Variants in SLC36A1 observed in about 807,000 individuals in gnomAD.
The protein encoded by SLC36A1 is proton-coupled amino acid transporter 1.
A neutral mutation model predicts 47.5 loss-of-function variants in SLC36A1; 30 were observed. The observed-to-expected ratio is 0.63, with a 90% CI of 0.47 to 0.86. The LOEUF is 0.86. Ranked by LOEUF, SLC36A1 falls within the 40% of genes least tolerant of loss-of-function variation. The pLI, the probability that SLC36A1 is intolerant of heterozygous loss-of-function variation, is 0.00. For missense variants in SLC36A1, 517 were observed against 606.0 expected (o/e 0.85, Z 1.54); for synonymous variants, 255 against 249.7 (o/e 1.02, Z -0.20).
At chr5:151,369,761 C>A in the SLC36A1 span, among the ~76,000 whole-genome samples, 2 of 152,218 alleles carry the variant, frequency 1.3e-5, no homozygotes, top group Admixed American at 6.5e-5. Context: ...GGATTACAGG[C>A]ATAAGCCACT....
At chr5:151,420,369 G>A in the SLC36A1 span, among the ~76,000 whole-genome samples, 11 of 152,124 alleles carry the variant, frequency 7.2e-5, no homozygotes, top group Non-Finnish European at 7.4e-5. Context: ...GCACTTTTCC[G>A]AAGCCACACA....
chr5:151,543,856 T>C, the SLC36A1 span: 3 of 1,614,162 alleles, frequency 1.9e-6, no homozygotes, highest in Non-Finnish European at 2.5e-6. Flanking sequence ...GAAGTGCCTG[T>C]CCTGATTGCC....
the SLC36A1 span, among the ~76,000 whole-genome samples, chr5:151,376,805 G>T: frequency 1.3e-5 from 2 of 151,908 alleles, no homozygotes; most frequent in Admixed American, 6.6e-5. Context: ...GCTAATTTTT[G>T]TATTTTTAGT....
chr5:151,347,381 G>T, the SLC36A1 span: 2 of 1,614,192 alleles, frequency 1.2e-6, no homozygotes, highest in East Asian at 4.5e-5. Flanking sequence ...CAACTTCTTG[G>T]CACTTTCAGG....
chr5:151,399,084 A>ATATATATATATATATAT, the SLC36A1 span, among the ~76,000 whole-genome samples: 32 of 60,040 alleles, frequency 5.3e-4, no homozygotes, highest in African/African-American at 1.3e-3. Context: ...ATATATATAT[A>ATATATATATATATATAT]TTTTTTTTTT....
At chr5:151,381,947 C>T in the SLC36A1 span, 3 of 466,346 alleles carry the variant, frequency 6.4e-6, no homozygotes, top group Non-Finnish European at 1.1e-5. Flanking sequence ...TCTGCTCTGT[C>T]TAGGCAGTCA....
the SLC36A1 span, among the ~76,000 whole-genome samples, chr5:151,381,645 T>G: frequency 3.3e-5 from 5 of 152,162 alleles, no homozygotes; most frequent in African/African-American, 1.2e-4. Flanking sequence ...GGCCCTGCAC[T>G]TGACAGATCA....
the SLC36A1 span, chr5:151,546,144 T>G: frequency 1.2e-6 from 2 of 1,614,138 alleles, no homozygotes; most frequent in Non-Finnish European, 1.7e-6. Flanking sequence ...ACTCAGATTT[T>G]GAAAAGATGG....
At chr5:151,531,277 C>G in the SLC36A1 span, among the ~76,000 whole-genome samples, 1 of 152,172 alleles carries the variant, frequency 6.6e-6, no homozygotes, top group African/African-American at 2.4e-5. This position sits in a 1 kb window ranked among gnomAD's most constrained non-coding sequence, Gnocchi z 5.7. Context: ...GCCTCCTGCG[C>G]TGGGCCTGAG....
the SLC36A1 span, among the ~76,000 whole-genome samples, chr5:151,347,970 A>G: frequency 9.9e-5 from 15 of 152,150 alleles, no homozygotes; most frequent in African/African-American, 3.4e-4. Context: ...CCAGTAACCT[A>G]TTTCTGTCTC....
chr5:151,498,357 TCTC>T, the SLC36A1 span, among the ~76,000 whole-genome samples: 1 of 152,142 alleles, frequency 6.6e-6, no homozygotes, highest in African/African-American at 2.4e-5. Flanking sequence ...ATCTCTAACA[TCTC>T]CTGAACATTC....
chr5:151,390,871 G>T, the SLC36A1 span, among the ~76,000 whole-genome samples: 4 of 152,208 alleles, frequency 2.6e-5, no homozygotes, highest in Admixed American at 2.6e-4. Context: ...TTTGGCTTAG[G>T]ATTGTCTTGG....
At chr5:151,529,234 C>T in the SLC36A1 span, 1 of 1,614,100 alleles carries the variant, frequency 6.2e-7, no homozygotes, top group Admixed American at 1.7e-5. Context: ...CTATATGGAT[C>T]TTGGGGGAAT....
At chr5:151,542,159 T>A in the SLC36A1 span, 3 of 836,508 alleles carry the variant, frequency 3.6e-6, no homozygotes, top group Non-Finnish European at 5.6e-6. Flanking sequence ...CCTAGGGGGT[T>A]AAGTGTGCCC....
At chr5:151,446,157 G>C (rs189563469), upstream of SLC36A1, among the ~76,000 whole-genome samples, 20 of 152,140 alleles carry the variant, frequency 1.3e-4, no homozygotes, top group Admixed American at 1.3e-3. Flanking sequence ...ATAAGCTTTG[G>C]TATGTTATGT....
the SLC36A1 span, among the ~76,000 whole-genome samples, chr5:151,506,762 G>C: frequency 5.3e-5 from 8 of 152,224 alleles, no homozygotes; most frequent in African/African-American, 1.9e-4. Flanking sequence ...GGTCAGCCAG[G>C]TCTGGCCCAA....
At chr5:151,512,861 A>G in the SLC36A1 span, 29 of 518,968 alleles carry the variant, frequency 5.6e-5, no homozygotes, top group African/African-American at 4.8e-4. The surrounding 1 kb of genome is among the most constrained non-coding windows in gnomAD (Gnocchi z 4.1). Context: ...GAGGAAACTG[A>G]GGCCGAGAGA....
downstream of SLC36A1, among the ~76,000 whole-genome samples, chr5:151,493,272 A>G (rs1281513513): frequency 1.3e-5 from 2 of 152,136 alleles, no homozygotes; most frequent in Non-Finnish European, 2.9e-5. Context: ...GCAAGCATAC[A>G]ATCACTTCTG....
chr5:151,349,357 GCAC>G, the SLC36A1 span, among the ~76,000 whole-genome samples: 121 of 152,212 alleles, frequency 7.9e-4, no homozygotes, highest in Admixed American at 1.4e-3. Context: ...CCAACTCATT[GCAC>G]CACATGTTAG....
Sources: gnomAD v4.1 joint callset for allele counts (sites outside exome capture counted in the v4.1 genomes callset) on GRCh38, gnomAD v4.1.1 for gene constraint, Gnocchi (gnomAD v3.1) non-coding constraint, MANE v1.5 for transcripts, NCBI Gene and HGNC (gene_info 2026-07-23, HGNC 2026-07-21) for gene names.